The following KPNA4 variants were observed in gnomAD, a reference collection of about 807,000 sequenced individuals.
KPNA4 encodes the protein karyopherin subunit alpha 4.
In KPNA4, 13 loss-of-function variants were observed where a neutral mutation model predicts 71.3. The ratio of observed to expected loss-of-function variants is 0.18; its 90% CI spans 0.12 to 0.29. KPNA4 has a LOEUF of 0.29. Ranked by LOEUF, KPNA4 falls within the 10% of genes least tolerant of loss-of-function variation. The probability of loss-of-function intolerance (pLI) is 1.00; values close to 1 mark genes in which losing one functional copy is unlikely to be tolerated. For missense variants in KPNA4, 334 were observed against 603.2 expected (o/e 0.55, Z 4.67); for synonymous variants, 189 against 195.2 (o/e 0.97, Z 0.26).
intron 1 of KPNA4, among the ~76,000 whole-genome samples, chr3:160,548,682 T>C (rs1721979156): frequency 6.6e-6 from 1 of 152,206 alleles, no homozygotes; most frequent in Non-Finnish European, 1.5e-5. Context: ...ACACATTTTA[T>C]CTATCTATTT....
At chr3:160,523,557 G>C (rs1186436613) in intron 10 of KPNA4, among the ~76,000 whole-genome samples, 3 of 151,758 alleles carry the variant, frequency 2.0e-5, no homozygotes, top group Non-Finnish European at 4.4e-5. Flanking sequence ...CATCAAATGA[G>C]AGTTCGCACA....
intron 7 of KPNA4, among the ~76,000 whole-genome samples, chr3:160,528,331 G>A (rs1268404021): frequency 4.6e-5 from 7 of 151,158 alleles, no homozygotes; most frequent in Non-Finnish European, 8.8e-5. Flanking sequence ...TAGATTATCT[G>A]TAGTTTGAAA....
chr3:160,498,059 G>A lies in KPNA4; in HGVS notation c.*4045C>T, dbSNP rs994918574. 9.2e-5 allele frequency: 14 copies of A among 152,120 alleles called. No homozygotes were observed. Among genetic ancestry groups the A allele is most frequent in the Admixed American group, 3.3e-4 (5 of 15,278 alleles). The allele number at this position is 152,120 out of a possible 1,614,324, so 9.4% of individuals were successfully genotyped here. On this transcript the variant is annotated 3_prime_UTR_variant, in exon 17 of 17. Coordinates refer to ENST00000334256, the MANE Select transcript of KPNA4 (RefSeq NM_002268.5). The stretch of plus-strand genomic sequence containing the variant: ...TTAGAATAGTAATTAGAAGCCCTGG[G>A]CAGTATGGGAGTTGAGATGTGGGCT...
intron 1 of KPNA4, among the ~76,000 whole-genome samples, chr3:160,543,101 C>T (rs1235450828): frequency 6.6e-6 from 1 of 151,902 alleles, no homozygotes; most frequent in East Asian, 1.9e-4. Context: ...TCCCAGAGTT[C>T]TCTATATTCT....
intron 1 of KPNA4, among the ~76,000 whole-genome samples, chr3:160,539,159 A>G (rs1416178569): frequency 1.3e-5 from 2 of 151,822 alleles, no homozygotes; most frequent in African/African-American, 2.4e-5. Flanking sequence ...CCAACTCTCT[A>G]TTTGGGTACT....
intron 13 of KPNA4, among the ~76,000 whole-genome samples, chr3:160,512,120 T>G (rs28631610): frequency 0.043 from 6,509 of 152,250 alleles, 253 homozygotes; most frequent in African/African-American, 0.1. Flanking sequence ...ATTATAACAA[T>G]GATCACCTTT....
intron 1 of KPNA4, among the ~76,000 whole-genome samples, chr3:160,542,058 CATTCCAGGT>C (rs1721810254): frequency 6.6e-6 from 1 of 152,152 alleles, no homozygotes; most frequent in Non-Finnish European, 1.5e-5. Flanking sequence ...TAGAGAAAGG[CATTCCAGGT>C]AGAAAATATA....
In KPNA4 at chr3:160,515,495, T is replaced by C; in HGVS notation, c.989A>G (p.His330Arg). ...QVVLNCDALS[H>R]FPALLTHPKE... Reference sequence around the variant, plus strand: ...GGGATGTGTCAGGAGTGCTGGGAAGTGTGAAAGAGCATCACAGTTCAAAAC... The same window carrying C: ...GGGATGTGTCAGGAGTGCTGGGAAGCGTGAAAGAGCATCACAGTTCAAAAC... The change falls in exon 12 of 17, where the codon CAC (histidine) becomes CGC (arginine). Residue 330 changes from histidine to arginine, a missense_variant. Coordinates refer to ENST00000334256, the MANE Select transcript of KPNA4 (RefSeq NM_002268.5). 1 of 1,613,946 alleles carries C rather than the reference T, an allele frequency of 6.2e-7. No individual in the cohort carries two copies. The highest frequency in any genetic ancestry group is 8.5e-7 in the Non-Finnish European group (1 of 1,179,848).
At chr3:160,523,365 T>TA (rs1721395403) in intron 10 of KPNA4, among the ~76,000 whole-genome samples, 1 of 151,784 alleles carries the variant, frequency 6.6e-6, no homozygotes, top group Non-Finnish European at 1.5e-5. Flanking sequence ...ACCCTGACTT[T>TA]AAAAAAATCG....
At chr3:160,521,004 T>C (rs1213925202) in intron 11 of KPNA4, among the ~76,000 whole-genome samples, 1 of 152,146 alleles carries the variant, frequency 6.6e-6, no homozygotes, top group Admixed American at 6.6e-5. Context: ...GGGATAAATA[T>C]TATGTGAAAG....
chr3:160,542,870 T>G lies in KPNA4; in HGVS notation c.70-6030A>C, dbSNP rs544987540. ...AGTCTATAGATTCCATACTTTAAAA[T>G]GATCCATATCTAAACTGTAAGCATT... On this transcript the variant is annotated intron_variant, in intron 1 of 16. Coordinates refer to ENST00000334256, the MANE Select transcript of KPNA4 (RefSeq NM_002268.5). 1.2e-4 allele frequency among the ~76,000 whole-genome samples: 18 copies of G among 152,346 alleles called. No individual in the cohort carries two copies. The South Asian group carries it at 3.5e-3, about 30-fold the overall frequency.
Position 160,513,651 on chromosome 3 carries a change from C to T in KPNA4, c.1137+426G>A, listed in dbSNP as rs139297594. Among the ~76,000 whole-genome samples the T allele has an allele frequency of 4.5e-3, 681 of 152,192 alleles. 7 individuals carry two copies. Among genetic ancestry groups the T allele is most frequent in the African/African-American group, 0.016 (658 of 41,522 alleles). ...TGGCATACAATAGCATACTTATTTG[C>T]TATTTGATTTTGGACAATTTATTTG... On this transcript the variant is annotated intron_variant, in intron 13 of 16. Coordinates refer to ENST00000334256, the MANE Select transcript of KPNA4 (RefSeq NM_002268.5).
At chr3:160,532,202 T>C (rs1161573456) in intron 5 of KPNA4, among the ~76,000 whole-genome samples, 1 of 152,248 alleles carries the variant, frequency 6.6e-6, no homozygotes, top group African/African-American at 2.4e-5. Flanking sequence ...TTGGACATAA[T>C]TTTGAGTTCA....
At chr3:160,511,452 A>C (rs1244663236) in intron 13 of KPNA4, among the ~76,000 whole-genome samples, 2 of 152,210 alleles carry the variant, frequency 1.3e-5, no homozygotes, top group Non-Finnish European at 2.9e-5. Context: ...AGACATCTCA[A>C]ATATCATCAT....
chr3:160,516,101 C>T (rs1016021865), intron 11 of KPNA4, among the ~76,000 whole-genome samples: 1 of 152,190 alleles, frequency 6.6e-6, no homozygotes, highest in Non-Finnish European at 1.5e-5. Context: ...ATTCTCCTGG[C>T]TCAGCCTCCT....
At chr3:160,528,913 C>T (rs1423016291) in intron 7 of KPNA4, among the ~76,000 whole-genome samples, 2 of 152,162 alleles carry the variant, frequency 1.3e-5, no homozygotes, top group Non-Finnish European at 2.9e-5. Flanking sequence ...CTTGTAATAT[C>T]ATAAAAGGTA....
intron 1 of KPNA4, among the ~76,000 whole-genome samples, chr3:160,544,951 T>C (rs1721876264): frequency 1.3e-5 from 2 of 152,206 alleles, no homozygotes; most frequent in Non-Finnish European, 2.9e-5. Flanking sequence ...TAGGATTTTG[T>C]AACTGGAGAG....
chr3:160,558,758 T>TA (rs1452580381), intron 1 of KPNA4, among the ~76,000 whole-genome samples: 61 of 151,004 alleles, frequency 4.0e-4, no homozygotes, highest in Admixed American at 5.9e-4. Context: ...ATACTTTTTT[T>TA]AAAAAAAAAA....
chr3:160,516,941 A>T (rs1366273773), intron 11 of KPNA4, among the ~76,000 whole-genome samples: 1 of 152,116 alleles, frequency 6.6e-6, no homozygotes, highest in Non-Finnish European at 1.5e-5. Flanking sequence ...TTTCTACATG[A>T]CAAATGATCC....
Sources: allele counts gnomAD v4.1 joint callset (sites outside exome capture counted in the v4.1 genomes callset), GRCh38; gene constraint gnomAD v4.1.1; transcripts MANE v1.5; gene names NCBI Gene and HGNC (gene_info 2026-07-23, HGNC 2026-07-21).